The following ITPA variants were observed in gnomAD, a reference collection of about 807,000 sequenced individuals.
The protein encoded by ITPA is inosine triphosphate pyrophosphatase.
Under a neutral mutation model 29.6 loss-of-function variants are expected in ITPA, and 29 were observed. The observed-to-expected ratio is 0.98, with a 90% CI of 0.73 to 1.34. ITPA has a LOEUF of 1.34. Ranked by LOEUF, ITPA falls within the 40% of genes most tolerant of loss-of-function variation. The probability of loss-of-function intolerance (pLI) is 0.00; values close to 1 mark genes in which losing one functional copy is unlikely to be tolerated. For missense variants in ITPA, 241 were observed against 251.5 expected, an observed-to-expected ratio of 0.96 and a Z score of 0.28; for synonymous variants, 103 against 99.3, an observed-to-expected ratio of 1.04 and a Z score of -0.22.
At chr20:3,213,421 G>C in intron 3 of ITPA, 38 bp downstream of exon 3, 1 of 1,612,566 alleles carries the variant, frequency 6.2e-7, no homozygotes, top group Non-Finnish European at 8.5e-7. Context: ...TGCTCTTCTT[G>C]TCCAGGTAGC....
At chr20:3,213,851 G>A in intron 3 of ITPA, 134 bp from the exon 4 acceptor site, 1 of 889,842 alleles carries the variant, frequency 1.1e-6, no homozygotes, top group Non-Finnish European at 1.9e-6. Context: ...GCCGAGGGCA[G>A]CTCCCATGGT....
intron 5 of ITPA, among the ~76,000 whole-genome samples, chr20:3,216,732 G>A (rs967549132): frequency 5.9e-5 from 9 of 151,868 alleles, no homozygotes; most frequent in East Asian, 1.9e-4. Flanking sequence ...GTTTACAGGC[G>A]TGATCCACTG....
chr20:3,224,527 A>G (rs1008634891), downstream of ITPA, among the ~76,000 whole-genome samples: 1 of 152,202 alleles, frequency 6.6e-6, no homozygotes, highest in Admixed American at 6.5e-5. Flanking sequence ...GCCCTGGGTG[A>G]GGACAGAGTG....
In ITPA at chr20:3,220,719, A is replaced by T. The variant is rs1235383315; in HGVS notation, c.412-1122A>T. Reference sequence around the variant, plus strand: ...GTGAGCTACCACATCTGGCTAATTAAAAAAAAAAAAAAAATTGGTAGAGAT... The same window carrying T: ...GTGAGCTACCACATCTGGCTAATTATAAAAAAAAAAAAAATTGGTAGAGAT... On this transcript the variant is annotated intron_variant, in intron 6 of 7. Coordinates refer to ENST00000380113, the MANE Select transcript of ITPA (RefSeq NM_033453.4). 7.0e-4 allele frequency among the ~76,000 whole-genome samples: 58 copies of T among 82,720 alleles called. 1 individual carries two copies. Among genetic ancestry groups the T allele is most frequent in the African/African-American group, 1.7e-3 (55 of 31,934 alleles). 54.3% of individuals were successfully genotyped at this position (82,720 alleles called of 152,430 possible).
At chr20:3,222,086 TG>T (rs2067479874) in intron 7 of ITPA, among the ~76,000 whole-genome samples, 169 bp downstream of exon 7, 1 of 152,130 alleles carries the variant, frequency 6.6e-6, no homozygotes, top group Admixed American at 6.6e-5. Flanking sequence ...GGAATCTGGG[TG>T]GCCCAGTCCA....
intron 7 of ITPA, among the ~76,000 whole-genome samples, chr20:3,222,939 C>A (rs2067503011): frequency 6.6e-6 from 1 of 152,256 alleles, no homozygotes; most frequent in Non-Finnish European, 1.5e-5. Flanking sequence ...TCTCACCTCA[C>A]TGCGGTGCTG....
intron 6 of ITPA, among the ~76,000 whole-genome samples, chr20:3,220,836 G>A (rs933336728): frequency 9.9e-5 from 15 of 152,134 alleles, no homozygotes; most frequent in South Asian, 8.3e-4. Flanking sequence ...GATTACAGGC[G>A]TGAGCTACCA....
At chr20:3,218,866 G>T (rs2067385131) in intron 6 of ITPA, 1 of 592,268 alleles carries the variant, frequency 1.7e-6, no homozygotes, top group African/African-American at 1.8e-5. Context: ...TTGCTGAGGG[G>T]TGCCCCTGGG....
rs368541615 is a variant in ITPA at position 3,214,103 on chromosome 20, C to A, written c.263+45C>A. On this transcript the variant is annotated intron_variant, in intron 4 of 7. Coordinates refer to ENST00000380113, the MANE Select transcript of ITPA (RefSeq NM_033453.4). ...CCCTTACAGGGCGTCAGGCCCAAAACCACCAGAACTGCAAAATGATGAGGT... is the reference window on the plus strand; with the variant it reads ...CCCTTACAGGGCGTCAGGCCCAAAAACACCAGAACTGCAAAATGATGAGGT... 1.9e-4 allele frequency: 302 copies of A among 1,549,994 alleles called. 2 individuals are homozygous for A. The highest frequency in any genetic ancestry group is 1.6e-3 in the Admixed American group (98 of 59,886).
downstream of ITPA, among the ~76,000 whole-genome samples, chr20:3,226,121 A>ACC (rs2067551882): frequency 2.6e-5 from 4 of 152,046 alleles, no homozygotes; most frequent in South Asian, 8.3e-4. This position sits in a 1 kb window ranked among gnomAD's most constrained non-coding sequence, Gnocchi z 4.4. Context: ...AGTCGTGGGA[A>ACC]CCCCAAGTTG....
At chr20:3,214,128 T>C in intron 4 of ITPA, 70 bp downstream of exon 4, 2 of 1,265,558 alleles carry the variant, frequency 1.6e-6, no homozygotes, top group South Asian at 2.4e-5. Context: ...AATGATGAGG[T>C]ACCTGATACT....
At chr20:3,204,464 C>T, upstream of ITPA, 2 of 1,449,092 alleles carry the variant, frequency 1.4e-6, no homozygotes, top group Non-Finnish European at 1.9e-6. Context: ...GGAGCCGCGG[C>T]GCGACGGTCC....
At chr20:3,215,494 G>C (rs1029425744) in intron 5 of ITPA, among the ~76,000 whole-genome samples, 182 bp downstream of exon 5, 1 of 152,148 alleles carries the variant, frequency 6.6e-6, no homozygotes, top group South Asian at 2.1e-4. Flanking sequence ...AGCACTGTGT[G>C]GGGGAGGGAT....
chr20:3,214,572 A>T (rs1345631145), intron 4 of ITPA, among the ~76,000 whole-genome samples: 1 of 149,840 alleles, frequency 6.7e-6, no homozygotes, highest in African/African-American at 2.4e-5. Flanking sequence ...TTTTTTAATT[A>T]TTTTATTTTA....
rs761656231 is a variant in ITPA, at chr20:3,221,890, G to C, written c.461G>C (p.Cys154Ser). The C allele has an allele frequency of 1.2e-6, 2 of 1,614,030 alleles. No individual in the cohort carries two copies. Among genetic ancestry groups the C allele is most frequent in the South Asian group, 2.2e-5 (2 of 91,082 alleles). ...TGCCAGGACTTTGGCTGGGACCCCT[G>C]CTTTCAGCCTGATGGATATGAGCAG... ...RGCQDFGWDP[C>S]FQPDGYEQTY... The change falls in exon 7 of 8, where the codon TGC becomes TCC. Residue 154 changes from cysteine to serine, a missense_variant. Transcript: ENST00000380113.
chr20:3,204,549 G>A, upstream of ITPA: 1 of 1,568,544 alleles, frequency 6.4e-7, no homozygotes, highest in Non-Finnish European at 8.6e-7. Context: ...GATGCCGCCC[G>A]GCCCCGGCTG....
chr20:3,224,547 C>T (rs1471533225), downstream of ITPA, among the ~76,000 whole-genome samples: 4 of 152,236 alleles, frequency 2.6e-5, no homozygotes, highest in East Asian at 7.7e-4. Context: ...GTCATTCCTT[C>T]ACTCCCCTCT....
upstream of ITPA, among the ~76,000 whole-genome samples, chr20:3,207,772 A>G (rs146927234): frequency 0.01 from 1,538 of 152,086 alleles, 25 homozygotes; most frequent in African/African-American, 0.035. Flanking sequence ...CGAGGTGGGC[A>G]TATCACGACG....
chr20:3,218,442 C>G (rs1436528512), intron 5 of ITPA, 75 bp from the exon 6 acceptor site: 8 of 1,067,352 alleles, frequency 7.5e-6, no homozygotes, highest in South Asian at 3.8e-5. Context: ...CCTCCCCACC[C>G]TTAGTGGGCG....
Sources: allele counts gnomAD v4.1 joint callset (sites outside exome capture counted in the v4.1 genomes callset), GRCh38; gene constraint gnomAD v4.1.1; non-coding constraint Gnocchi (gnomAD v3.1); transcripts MANE v1.5; gene names NCBI Gene and HGNC (gene_info 2026-07-23, HGNC 2026-07-21).